Variants in KMO observed in about 807,000 individuals in gnomAD.
KMO encodes the protein kynurenine 3-monooxygenase.
KMO carries 24 observed loss-of-function variants against 57.8 expected under a neutral mutation model. The ratio of observed to expected loss-of-function variants is 0.42; its 90% confidence interval spans 0.30 to 0.58. KMO has a LOEUF of 0.58. Ranked by LOEUF, KMO falls within the 20% of genes least tolerant of loss-of-function variation. The pLI, the probability that KMO is intolerant of heterozygous loss-of-function variation, is 0.22. For missense variants in KMO, 483 were observed against 588.2 expected (o/e 0.82, Z 1.85); for synonymous variants, 210 against 193.6 (o/e 1.08, Z -0.70).
intron 1 of KMO, among the ~76,000 whole-genome samples, chr1:241,539,162 T>G (rs940805763): frequency 6.6e-6 from 1 of 152,088 alleles, no homozygotes; most frequent in Non-Finnish European, 1.5e-5. Flanking sequence ...GTGGGTGGAT[T>G]GCCTGAGCTC....
At chr1:241,539,595 C>G (rs1216610015) in intron 1 of KMO, among the ~76,000 whole-genome samples, 1 of 152,210 alleles carries the variant, frequency 6.6e-6, no homozygotes, top group Non-Finnish European at 1.5e-5. Flanking sequence ...ATCTGAATCT[C>G]TTTCGTGTGC....
At chr1:241,546,133 T>C (rs889470193) in intron 1 of KMO, among the ~76,000 whole-genome samples, 1 of 152,078 alleles carries the variant, frequency 6.6e-6, no homozygotes, top group Non-Finnish European at 1.5e-5. Flanking sequence ...GGCCCTTGGA[T>C]CATTGGTTTC....
chr1:241,594,784 T>C lies in KMO; in HGVS notation c.*2631T>C. 1 of 1,459,672 alleles carries C rather than the reference T, an allele frequency of 6.9e-7. No individual in the cohort carries two copies. Among genetic ancestry groups the C allele is most frequent in the African/African-American group, 1.4e-5 (1 of 71,064 alleles). The allele number at this position is 1,459,672 out of a possible 1,614,324, so 90.4% of individuals were successfully genotyped here. A position where few individuals can be genotyped will look rare whatever the true frequency, so the allele number is the denominator to read the frequency against. On this transcript the variant is annotated 3_prime_UTR_variant, in exon 15 of 15. Transcript: ENST00000366559. ...GGAAATCAGTTGAGCTGAATTTAAGTTGTTTTTTGTTTGTTAGCAGGTGTG... is the reference window on the plus strand; with the variant it reads ...GGAAATCAGTTGAGCTGAATTTAAGCTGTTTTTTGTTTGTTAGCAGGTGTG...
At chr1:241,556,562 C>T (rs1661631765) in intron 5 of KMO, among the ~76,000 whole-genome samples, 1 of 152,172 alleles carries the variant, frequency 6.6e-6, no homozygotes, top group South Asian at 2.1e-4. Context: ...TAAACTCAAA[C>T]AATTTGCAAA....
chr1:241,587,179 T>A (rs1239496373), intron 11 of KMO, among the ~76,000 whole-genome samples: 1 of 152,208 alleles, frequency 6.6e-6, no homozygotes, highest in Non-Finnish European at 1.5e-5. Context: ...CCTGCTCTGA[T>A]CTTCAGGCGT....
intron 1 of KMO, among the ~76,000 whole-genome samples, chr1:241,533,819 G>A (rs1655018860): frequency 6.6e-6 from 1 of 152,206 alleles, no homozygotes; most frequent in South Asian, 2.1e-4. Context: ...TACCTGTTTA[G>A]AATGTGGTCA....
rs1352861637 is a variant in KMO at position 241,565,055 on chromosome 1, C to G, written c.684C>G (p.Asn228Lys). The G allele has an allele frequency of 6.4e-7, 1 of 1,573,216 alleles. No individual in the cohort carries two copies. Among genetic ancestry groups the G allele is most frequent in the African/African-American group, 1.4e-5 (1 of 73,996 alleles). ...CCTTTATGATGATTGCACTTCCTAA[C>G]ATGGTAGTATAGAATTTTTTATCAA... ...RNTFMMIALP[N>K]MNKSFTCTLF... is the part of the protein sequence containing the mutation. Residue 228 changes from asparagine to lysine, a missense_variant, in exon 8 of 15, where the codon AAC becomes AAG. By Grantham distance (94) the Asn-to-Lys change is moderately conservative. Coordinates refer to ENST00000366559, the MANE Select transcript of KMO (RefSeq NM_003679.5).
chr1:241,573,409 T>A (rs534482106), intron 10 of KMO, among the ~76,000 whole-genome samples: 9 of 152,290 alleles, frequency 5.9e-5, no homozygotes, highest in African/African-American at 2.2e-4. Context: ...TGGTTTCAGG[T>A]CTTAGGTTTA....
chr1:241,558,328 C>T (rs1291950288), intron 5 of KMO, among the ~76,000 whole-genome samples: 2 of 152,182 alleles, frequency 1.3e-5, no homozygotes, highest in Non-Finnish European at 2.9e-5. Context: ...ATAAAATGAA[C>T]GCTGAATCTC....
intron 8 of KMO, among the ~76,000 whole-genome samples, chr1:241,565,427 AAG>A (rs1378851584): frequency 6.6e-6 from 1 of 152,046 alleles, no homozygotes; most frequent in Non-Finnish European, 1.5e-5. Context: ...GCATTATCAA[AAG>A]AGAGCATGGG....
At chr1:241,543,153 A>C (rs1452775618) in intron 1 of KMO, among the ~76,000 whole-genome samples, 2 of 152,086 alleles carry the variant, frequency 1.3e-5, no homozygotes, top group East Asian at 3.8e-4. Context: ...CCATGAATCT[A>C]CTACTCAACA....
At chr1:241,563,952 T>C (rs750023995) in intron 7 of KMO, among the ~76,000 whole-genome samples, 2 of 152,218 alleles carry the variant, frequency 1.3e-5, no homozygotes, top group Non-Finnish European at 1.5e-5. Flanking sequence ...CTACCACTAG[T>C]ATTACTGTTA....
intron 10 of KMO, among the ~76,000 whole-genome samples, chr1:241,574,262 C>G (rs910764089): frequency 6.6e-6 from 1 of 152,010 alleles, no homozygotes; most frequent in Admixed American, 6.6e-5. Context: ...TCCTTCATTT[C>G]CTTCTCCTGC....
chr1:241,570,194 T>TA (rs1662223560), intron 10 of KMO, among the ~76,000 whole-genome samples: 1 of 152,078 alleles, frequency 6.6e-6, no homozygotes, highest in Admixed American at 6.5e-5. Context: ...TTCACTTTGT[T>TA]AATTGTTTCT....
At chr1:241,580,951 T>C (rs1662725734) in intron 10 of KMO, among the ~76,000 whole-genome samples, 1 of 151,234 alleles carries the variant, frequency 6.6e-6, no homozygotes, top group Admixed American at 6.6e-5. Context: ...TATTATTGTA[T>C]TGGGGTCTAT....
chr1:241,549,198 A>G (rs1661275871), intron 2 of KMO, among the ~76,000 whole-genome samples: 4 of 119,618 alleles, frequency 3.3e-5, no homozygotes, highest in Non-Finnish European at 6.9e-5. Context: ...GAGAGAAAGA[A>G]AAGGAAGAAA....
chr1:241,587,435 T>A (rs574815489), intron 11 of KMO, among the ~76,000 whole-genome samples: 4 of 152,064 alleles, frequency 2.6e-5, no homozygotes, highest in Non-Finnish European at 4.4e-5. Flanking sequence ...AGCTCCAGTG[T>A]TTTTTGCCCT....
At chr1:241,578,064 C>T (rs1445321357) in intron 10 of KMO, among the ~76,000 whole-genome samples, 2 of 152,152 alleles carry the variant, frequency 1.3e-5, no homozygotes, top group African/African-American at 4.8e-5. Flanking sequence ...CCCTCTTGTG[C>T]AAGCCTGAGC....
chr1:241,551,407 T>A (rs1406892240), intron 4 of KMO, among the ~76,000 whole-genome samples: 2 of 152,152 alleles, frequency 1.3e-5, no homozygotes, highest in African/African-American at 4.8e-5. Flanking sequence ...ATCTAGAAGG[T>A]TTCATGATGT....
Sources: allele counts gnomAD v4.1 joint callset (sites outside exome capture counted in the v4.1 genomes callset), GRCh38; gene constraint gnomAD v4.1.1; transcripts MANE v1.5; gene names NCBI Gene and HGNC (gene_info 2026-07-23, HGNC 2026-07-21).